Variants in SHISA9 observed in about 807,000 individuals in gnomAD.
The protein encoded by SHISA9 is shisa family member 9, also known as protein shisa-9.
Under a neutral mutation model 38.0 loss-of-function variants are expected in SHISA9, and 13 were observed. The observed-to-expected ratio is 0.34, with a 90% CI of 0.22 to 0.54. The LOEUF is 0.54. Ranked by LOEUF, SHISA9 falls within the 20% of genes least tolerant of loss-of-function variation. The pLI, the probability that SHISA9 is intolerant of heterozygous loss-of-function variation, is 0.91. For missense variants in SHISA9, 538 were observed against 575.8 expected (o/e 0.93, Z 0.67); for synonymous variants, 275 against 242.0 (o/e 1.14, Z -1.27).
At chr16:12,976,431 C>A (rs1053877834) in intron 2 of SHISA9, among the ~76,000 whole-genome samples, 2 of 152,036 alleles carry the variant, frequency 1.3e-5, no homozygotes, top group African/African-American at 4.8e-5. Context: ...TTTGGATTTT[C>A]TTCTGTTCTT....
chr16:13,186,014 C>T lies in SHISA9; in HGVS notation c.692-17380C>T, dbSNP rs143421815. ...TCAGGACATATCTCATTTTACCCTA[C>T]CTTGAACTCCATGGTAGCGAATTGG... On this transcript the variant is annotated intron_variant, in intron 2 of 4. Transcript: ENST00000558583. Among the ~76,000 whole-genome samples, 1,253 of 152,268 alleles carry T rather than the reference C, an allele frequency of 8.2e-3. 11 individuals carry two copies. The highest frequency in any genetic ancestry group is 0.037 in the Middle Eastern group (11 of 294).
chr16:13,532,548 C>CGT, the SHISA9 span, among the ~76,000 whole-genome samples: 3 of 80,668 alleles, frequency 3.7e-5, no homozygotes, highest in African/African-American at 5.4e-5. Flanking sequence ...ATACTATGTG[C>CGT]GTGTGTGTAT....
chr16:13,331,259 C>G, the SHISA9 span: 3 of 152,082 alleles, frequency 2.0e-5, no homozygotes, highest in East Asian at 5.8e-4. Context: ...GGTGGGGGAG[C>G]CCTGGAGGGT....
At chr16:13,208,443 C>CTTTTTTTTTT (rs71395107) in intron 3 of SHISA9, among the ~76,000 whole-genome samples, 16 of 125,050 alleles carry the variant, frequency 1.3e-4, no homozygotes, top group African/African-American at 2.5e-4. Flanking sequence ...CTTTTTTTTT[C>CTTTTTTTTTT]TTTTTTTTTT....
At chr16:12,976,614 C>A (rs1302722788) in intron 2 of SHISA9, among the ~76,000 whole-genome samples, 3 of 152,252 alleles carry the variant, frequency 2.0e-5, no homozygotes, top group African/African-American at 7.2e-5. Flanking sequence ...AGGTACTTTC[C>A]TCATTCTCAG....
chr16:13,529,759 T>G, the SHISA9 span, among the ~76,000 whole-genome samples: 1 of 152,222 alleles, frequency 6.6e-6, no homozygotes, highest in Non-Finnish European at 1.5e-5. Context: ...CCCACCCATA[T>G]CCACTTCCCT....
intron 2 of SHISA9, among the ~76,000 whole-genome samples, chr16:13,128,721 G>T (rs1185705650): frequency 1.3e-5 from 2 of 152,134 alleles, no homozygotes; most frequent in East Asian, 3.8e-4. Context: ...AGGCAGACTT[G>T]GGTCCCACAT....
intron 2 of SHISA9, among the ~76,000 whole-genome samples, chr16:12,957,734 AT>A (rs1037773830): frequency 6.6e-6 from 1 of 152,170 alleles, no homozygotes; most frequent in East Asian, 1.9e-4. Context: ...CAACAAGCGT[AT>A]TTTTTTGTTT....
intron 2 of SHISA9, among the ~76,000 whole-genome samples, chr16:13,000,528 G>A (rs144348393): frequency 7.9e-5 from 12 of 152,238 alleles, no homozygotes; most frequent in African/African-American, 2.9e-4. Flanking sequence ...ACTGCAGATT[G>A]GGAGGAGTAA....
the SHISA9 span, among the ~76,000 whole-genome samples, chr16:13,455,856 C>T: frequency 6.6e-6 from 1 of 152,280 alleles, no homozygotes; most frequent in East Asian, 1.9e-4. Flanking sequence ...GAGCTAGCCA[C>T]TCTGTTGATG....
chr16:13,380,243 T>A, the SHISA9 span, among the ~76,000 whole-genome samples: 5 of 152,148 alleles, frequency 3.3e-5, no homozygotes, highest in Non-Finnish European at 7.3e-5. Flanking sequence ...AAAAATATTA[T>A]TTTTCGTATC....
At chr16:13,003,892 G>T (rs8050866) in intron 2 of SHISA9, among the ~76,000 whole-genome samples, 26,572 of 140,150 alleles carry the variant, frequency 0.19, 2,573 homozygotes, top group Middle Eastern at 0.26. Flanking sequence ...ATAATAATAA[G>T]AAGAAGAAGA....
chr16:13,354,317 C>T, the SHISA9 span, among the ~76,000 whole-genome samples: 4 of 51,298 alleles, frequency 7.8e-5, no homozygotes, highest in Admixed American at 2.0e-4. Context: ...CCTGGTGGAA[C>T]CGCCATCAAT....
intron 4 of SHISA9, among the ~76,000 whole-genome samples, chr16:13,215,725 C>T (rs764407872): frequency 4.6e-5 from 7 of 152,224 alleles, no homozygotes; most frequent in African/African-American, 7.2e-5. Flanking sequence ...CCTGCCTTGT[C>T]GGGGGAGAGG....
chr16:13,223,067 C>G (rs1285786212), intron 4 of SHISA9, among the ~76,000 whole-genome samples: 1 of 152,092 alleles, frequency 6.6e-6, no homozygotes, highest in Non-Finnish European at 1.5e-5. Flanking sequence ...GATTTGAACC[C>G]AGATCCATCT....
intron 2 of SHISA9, among the ~76,000 whole-genome samples, chr16:13,149,991 A>G (rs953315682): frequency 2.1e-5 from 3 of 146,026 alleles, no homozygotes; most frequent in Non-Finnish European, 4.5e-5. Flanking sequence ...AGTGCCCAGT[A>G]TATAGGAAAT....
chr16:13,309,985 T>G, the SHISA9 span, among the ~76,000 whole-genome samples: 5 of 152,134 alleles, frequency 3.3e-5, no homozygotes, highest in Non-Finnish European at 5.9e-5. Flanking sequence ...CCTCCCAAGT[T>G]CAAGTGATTC....
At chr16:13,450,201 A>G in the SHISA9 span, among the ~76,000 whole-genome samples, 1 of 152,204 alleles carries the variant, frequency 6.6e-6, no homozygotes, top group Non-Finnish European at 1.5e-5. Flanking sequence ...GACCTCAGGT[A>G]ATTAACTTTT....
At chr16:13,043,835 G>A (rs921257189) in intron 2 of SHISA9, among the ~76,000 whole-genome samples, 1 of 152,164 alleles carries the variant, frequency 6.6e-6, no homozygotes, top group African/African-American at 2.4e-5. Context: ...GATATCCCCT[G>A]CCATCTCTCC....
Sources: allele counts gnomAD v4.1 joint callset (sites outside exome capture counted in the v4.1 genomes callset), GRCh38; gene constraint gnomAD v4.1.1; transcripts MANE v1.5; gene names NCBI Gene and HGNC (gene_info 2026-07-23, HGNC 2026-07-21).